The following SUMF1 variants were observed in gnomAD, a reference collection of about 807,000 sequenced individuals.
SUMF1 encodes formylglycine-generating enzyme.
Under a neutral mutation model 47.6 loss-of-function variants are expected in SUMF1, and 48 were observed. The observed-to-expected ratio is 1.01, with a 90% CI of 0.80 to 1.28. The LOEUF (loss-of-function observed/expected upper bound fraction) is 1.28. Among genes scored for constraint, SUMF1 ranks in the 50% most tolerant of loss-of-function variants. The pLI, the probability that SUMF1 is intolerant of heterozygous loss-of-function variation, is 0.00. For missense variants in SUMF1, 571 were observed against 485.4 expected (o/e 1.18, Z -1.66); for synonymous variants, 230 against 192.1 (o/e 1.20, Z -1.63).
At chr3:4,322,237 G>T (rs1044685495) in intron 8 of SUMF1, among the ~76,000 whole-genome samples, 3 of 151,920 alleles carry the variant, frequency 2.0e-5, no homozygotes, top group African/African-American at 7.3e-5. Flanking sequence ...ATCAACTATG[G>T]TCTTTAGTTA....
chr3:4,098,604 AT>A (rs1004306487), intron 8 of SUMF1, among the ~76,000 whole-genome samples: 1 of 152,062 alleles, frequency 6.6e-6, no homozygotes, highest in Non-Finnish European at 1.5e-5. Context: ...GATGTAGCCT[AT>A]TTTTTCTGTG....
chr3:4,279,276 A>G (rs1697481991), intron 8 of SUMF1, among the ~76,000 whole-genome samples: 2 of 152,172 alleles, frequency 1.3e-5, no homozygotes, highest in African/African-American at 2.4e-5. Flanking sequence ...AAAATCATGT[A>G]AATACCTTTA....
rs1365304614 is a variant in SUMF1, at chr3:4,376,410, C to T, written c.955-21G>A. ...CCTTTCTACAGATGAAGAAAAAAGGCTATGTTAGACCAGAAGGCAAAGCTG... is the reference window on the plus strand; with the variant it reads ...CCTTTCTACAGATGAAGAAAAAAGGTTATGTTAGACCAGAAGGCAAAGCTG... On this transcript the variant is annotated intron_variant, in intron 7 of 8. Coordinates refer to ENST00000272902, the MANE Select transcript of SUMF1 (RefSeq NM_182760.4). The T allele has an allele frequency of 2.5e-6, 4 of 1,613,650 alleles. No homozygotes were observed. In the East Asian group the frequency reaches 6.7e-5, roughly 27 times the overall value.
chr3:4,421,567 C>A (rs369913583), intron 3 of SUMF1, among the ~76,000 whole-genome samples: 38 of 152,260 alleles, frequency 2.5e-4, no homozygotes, highest in African/African-American at 8.7e-4. Context: ...GCAGCCTTGA[C>A]CTCCTCAGCT....
chr3:4,221,458 G>A (rs1696063414), intron 8 of SUMF1, among the ~76,000 whole-genome samples: 1 of 149,268 alleles, frequency 6.7e-6, no homozygotes, highest in South Asian at 2.1e-4. Flanking sequence ...TGTGTTTTGT[G>A]TTTTCTTAAT....
At chr3:4,374,791 T>C (rs1185597693) in intron 8 of SUMF1, among the ~76,000 whole-genome samples, 3 of 152,152 alleles carry the variant, frequency 2.0e-5, no homozygotes, top group Non-Finnish European at 2.9e-5. Flanking sequence ...CAATCTGGGA[T>C]TAAAGACTCT....
chr3:4,050,482 C>G (rs1166849339), intron 9 of SUMF1, among the ~76,000 whole-genome samples: 2 of 151,758 alleles, frequency 1.3e-5, no homozygotes, highest in Non-Finnish European at 2.9e-5. Flanking sequence ...TGGCTCATGC[C>G]TGTAATCCCA....
chr3:4,130,166 AT>A (rs1370988674), intron 8 of SUMF1, among the ~76,000 whole-genome samples: 1 of 152,134 alleles, frequency 6.6e-6, no homozygotes, highest in Non-Finnish European at 1.5e-5. Context: ...AGACAGATGG[AT>A]CTTGGAGAAT....
chr3:4,119,918 T>C (rs1162322499), intron 8 of SUMF1, among the ~76,000 whole-genome samples: 1 of 152,136 alleles, frequency 6.6e-6, no homozygotes, highest in African/African-American at 2.4e-5. Flanking sequence ...AAAGTTGCAA[T>C]ATTGTTACAC....
chr3:4,111,449 G>C (rs568280690), intron 8 of SUMF1, among the ~76,000 whole-genome samples: 49 of 152,232 alleles, frequency 3.2e-4, no homozygotes, highest in African/African-American at 1.2e-3. Flanking sequence ...GCCGGGCGCA[G>C]TGACTCACGC....
chr3:4,060,213 G>A (rs1046565057), intron 9 of SUMF1, among the ~76,000 whole-genome samples: 2 of 152,322 alleles, frequency 1.3e-5, no homozygotes, highest in Admixed American at 6.5e-5. Context: ...ATAGAGATTA[G>A]CGATTTCTGA....
chr3:4,184,162 A>G (rs1695152496), intron 8 of SUMF1, among the ~76,000 whole-genome samples: 1 of 151,790 alleles, frequency 6.6e-6, no homozygotes. Flanking sequence ...AAAAAAGAAA[A>G]AAGGCAAAAG....
intron 9 of SUMF1, among the ~76,000 whole-genome samples, chr3:4,065,791 A>G (rs1188224733): frequency 6.6e-6 from 1 of 152,154 alleles, no homozygotes; most frequent in Non-Finnish European, 1.5e-5. Context: ...GTTTAAAGTC[A>G]TCCAACAAGG....
chr3:4,392,304 TCA>T (rs1440847836), intron 7 of SUMF1, among the ~76,000 whole-genome samples: 1 of 152,178 alleles, frequency 6.6e-6, no homozygotes, highest in Non-Finnish European at 1.5e-5. Flanking sequence ...ATTTGTTGAC[TCA>T]CAGTTGGCGT....
At chr3:4,205,251 A>T (rs1430835444) in intron 8 of SUMF1, among the ~76,000 whole-genome samples, 1 of 152,126 alleles carries the variant, frequency 6.6e-6, no homozygotes, top group East Asian at 1.9e-4. Flanking sequence ...ACTTTGTGAG[A>T]TCCACCCCCT....
intron 9 of SUMF1, among the ~76,000 whole-genome samples, chr3:4,036,042 T>A (rs1694787138): frequency 6.6e-6 from 1 of 152,176 alleles, no homozygotes; most frequent in African/African-American, 2.4e-5. Flanking sequence ...AGGAAATTTG[T>A]AATATTTACT....
intron 8 of SUMF1, among the ~76,000 whole-genome samples, chr3:4,312,703 T>TAAAAA (rs375529794): frequency 1.9e-4 from 26 of 135,898 alleles, no homozygotes; most frequent in African/African-American, 6.3e-4. Context: ...CCCTGTCTCT[T>TAAAAA]AAAAAAAAAA....
intron 9 of SUMF1, among the ~76,000 whole-genome samples, chr3:4,051,135 A>T (rs1215373961): frequency 6.6e-6 from 1 of 152,046 alleles, no homozygotes; most frequent in Admixed American, 6.6e-5. Flanking sequence ...AAAAGAAAAA[A>T]AAAAAGGGTG....
chr3:4,135,525 T>C (rs1693904847), intron 8 of SUMF1, among the ~76,000 whole-genome samples: 1 of 152,110 alleles, frequency 6.6e-6, no homozygotes. Flanking sequence ...TCATACTGAA[T>C]GAGCAAAAAC....
Sources: gnomAD v4.1 joint callset for allele counts (sites outside exome capture counted in the v4.1 genomes callset) on GRCh38, gnomAD v4.1.1 for gene constraint, MANE v1.5 for transcripts, NCBI Gene and HGNC (gene_info 2026-07-23, HGNC 2026-07-21) for gene names.